UROC1: variants seen among roughly 807,000 people sequenced by gnomAD.
The protein encoded by UROC1 is urocanate hydratase.
A neutral mutation model predicts 89.5 loss-of-function variants in UROC1; 79 were observed. The observed-to-expected ratio is 0.88, with a 90% CI of 0.74 to 1.06. UROC1 has a LOEUF of 1.06. UROC1 is among the 50% of genes least tolerant of loss of function. The pLI is 0.00. For synonymous variants in UROC1, 361 were observed against 354.8 expected, an observed-to-expected ratio of 1.02 and a Z score of -0.20; for missense variants, 885 against 907.8, an observed-to-expected ratio of 0.97 and a Z score of 0.32.
At chr3:126,489,404 C>G (rs1935594260) in intron 16 of UROC1, 29 bp from the exon 17 acceptor site, 4 of 1,578,656 alleles carry the variant, frequency 2.5e-6, no homozygotes, top group Non-Finnish European at 3.5e-6. Flanking sequence ...AAGCTGTCAG[C>G]CAACAGTGTC....
intron 14 of UROC1, 124 bp from the exon 15 acceptor site, chr3:126,496,232 G>T: frequency 1.1e-6 from 1 of 950,958 alleles, no homozygotes; most frequent in Non-Finnish European, 1.7e-6. Flanking sequence ...CACAAGGTGA[G>T]GGAGCCCACC....
At chr3:126,497,917 G>T in intron 14 of UROC1, 134 bp downstream of exon 14, 1 of 1,491,296 alleles carries the variant, frequency 6.7e-7, no homozygotes, top group Non-Finnish European at 9.2e-7. Flanking sequence ...GCACCCACCA[G>T]ACTCACAAAG....
chr3:126,512,493 G>A (rs995681647), intron 1 of UROC1, among the ~76,000 whole-genome samples: 1 of 152,224 alleles, frequency 6.6e-6, no homozygotes. Context: ...GGGAGACCAA[G>A]GTAGGAGGAT....
chr3:126,482,352 T>C lies in UROC1; in HGVS notation c.2024A>G (p.Gln675Arg). The change falls in exon 20 of 20, where the codon CAG becomes CGG. Residue 675 changes from glutamine to arginine, a missense_variant. Coordinates refer to ENST00000290868, the MANE Select transcript of UROC1 (RefSeq NM_144639.3). ...EDERVLQQAL[Q>R]L ...CCGCGACTCCTGGCTCCCTCAGAGC[T>C]GCAGGGCCTGCTGGAGCACCCGCTC... The C allele has an allele frequency of 6.2e-7, 1 of 1,613,092 alleles. No individual in the cohort carries two copies. The highest frequency in any genetic ancestry group is 1.1e-5 in the South Asian group (1 of 91,044).
At chr3:126,483,657 C>T (rs1935446264) in intron 18 of UROC1, among the ~76,000 whole-genome samples, 189 bp from the exon 19 acceptor site, 1 of 152,256 alleles carries the variant, frequency 6.6e-6, no homozygotes, top group Admixed American at 6.5e-5. Context: ...GCGTGGTTAC[C>T]TGCCACCTCT....
intron 13 of UROC1, among the ~76,000 whole-genome samples, chr3:126,498,684 G>A (rs1205822226): frequency 1.3e-5 from 2 of 152,100 alleles, no homozygotes; most frequent in African/African-American, 4.8e-5. Flanking sequence ...GAGAGTGCCA[G>A]CTGACAGTGC....
At chr3:126,499,193 T>G (rs978328971) in intron 13 of UROC1, 144 bp downstream of exon 13, 4 of 878,274 alleles carry the variant, frequency 4.6e-6, no homozygotes, top group Non-Finnish European at 7.4e-6. Context: ...CTGGCCACTT[T>G]GGGGCAGTGT....
At chr3:126,496,724 G>C (rs1935786109) in intron 14 of UROC1, among the ~76,000 whole-genome samples, 1 of 152,250 alleles carries the variant, frequency 6.6e-6, no homozygotes, top group Admixed American at 6.5e-5. Context: ...GTGGGAGCCA[G>C]TGGTTAACAT....
At chr3:126,506,139 C>A in intron 6 of UROC1, 128 bp from the exon 7 acceptor site, 1 of 1,015,796 alleles carries the variant, frequency 9.8e-7, no homozygotes, top group Non-Finnish European at 1.5e-6. Flanking sequence ...TATTCTCCTT[C>A]ACATAAAATA....
intron 18 of UROC1, among the ~76,000 whole-genome samples, chr3:126,484,571 G>A (rs972379186): frequency 2.0e-5 from 3 of 152,128 alleles, no homozygotes; most frequent in Non-Finnish European, 2.9e-5. Flanking sequence ...TCTCTGCCCA[G>A]CCTGAATCCT....
chr3:126,501,823 G>A (rs927026207), intron 9 of UROC1: 31 of 1,599,352 alleles, frequency 1.9e-5, no homozygotes, highest in Admixed American at 3.3e-5. Flanking sequence ...GGAGAAGCCC[G>A]AGGGAGCCAG....
intron 9 of UROC1, chr3:126,501,879 G>T: frequency 6.3e-7 from 1 of 1,599,456 alleles, no homozygotes; most frequent in South Asian, 1.1e-5. Context: ...AGCAGGAAAG[G>T]ACACACAGTC....
intron 1 of UROC1, among the ~76,000 whole-genome samples, chr3:126,512,195 A>G (rs1292277740): frequency 6.6e-6 from 1 of 152,202 alleles, no homozygotes; most frequent in East Asian, 1.9e-4. Flanking sequence ...GCCCTGCAAC[A>G]GGACTGTGGG....
In UROC1 at chr3:126,498,102, C is replaced by A. The variant is rs746460687; in HGVS notation, c.1387G>T (p.Val463Phe). 1.4e-5 allele frequency: 22 copies of A among 1,614,052 alleles called. No homozygotes were observed. Among genetic ancestry groups the A allele is most frequent in the Non-Finnish European group, 1.9e-5 (22 of 1,180,030 alleles). Residue 463 changes from valine (V) to phenylalanine (F), a missense_variant, in exon 14 of 20, where the codon GTC (valine) becomes TTC (phenylalanine). Physicochemically the swap from Val to Phe is conservative, Grantham distance 50. Transcript: ENST00000290868. The part of the protein sequence containing the change: ...CTSGDPQDLA[V>F]TDELATSVLE... The stretch of plus-strand genomic sequence containing the variant: ...ACAGATGTGGCCAGTTCGTCTGTGA[C>A]CGCCAGGTCCTGGGGGTCCCCCGAT...
At chr3:126,496,951 G>A (rs1935791022) in intron 14 of UROC1, among the ~76,000 whole-genome samples, 1 of 152,174 alleles carries the variant, frequency 6.6e-6, no homozygotes, top group Non-Finnish European at 1.5e-5. Context: ...CTTCGTGGGT[G>A]CAGCAGCTCA....
intron 18 of UROC1, among the ~76,000 whole-genome samples, chr3:126,483,735 C>T (rs1392369630): frequency 6.6e-6 from 1 of 152,234 alleles, no homozygotes; most frequent in Non-Finnish European, 1.5e-5. Context: ...CATTGGAGGT[C>T]ATCCCTTGAT....
intron 1 of UROC1, among the ~76,000 whole-genome samples, chr3:126,517,263 G>A (rs1936349698): frequency 1.3e-5 from 2 of 152,186 alleles, no homozygotes; most frequent in Admixed American, 1.3e-4. Context: ...TGAGTGTTGG[G>A]GTGGACGCGG....
At chr3:126,489,102 T>A (rs1001348598) in intron 17 of UROC1, among the ~76,000 whole-genome samples, 174 bp downstream of exon 17, 2 of 152,056 alleles carry the variant, frequency 1.3e-5, no homozygotes, top group Non-Finnish European at 2.9e-5. Context: ...CACTTACCGG[T>A]TTTACAACTG....
At chr3:126,492,909 G>A (rs573930259) in intron 15 of UROC1, among the ~76,000 whole-genome samples, 20 of 152,342 alleles carry the variant, frequency 1.3e-4, no homozygotes, top group African/African-American at 4.1e-4. Context: ...GCAAGTTTGC[G>A]TTGGGCCTGC....
Sources: allele counts gnomAD v4.1 joint callset (sites outside exome capture counted in the v4.1 genomes callset), GRCh38; gene constraint gnomAD v4.1.1; transcripts MANE v1.5; gene names NCBI Gene and HGNC (gene_info 2026-07-23, HGNC 2026-07-21).